The following STX17 variants were observed in gnomAD, a reference collection of about 807,000 sequenced individuals.
STX17 encodes syntaxin 17, also known as syntaxin-17.
A neutral mutation model predicts 35.9 loss-of-function variants in STX17; 29 were observed. That is an observed-to-expected ratio of 0.81 (90% CI 0.60 to 1.10). STX17 has a LOEUF of 1.10. STX17 is among the 50% of genes least tolerant of loss of function. The pLI is 0.00. For missense variants in STX17, 312 were observed against 352.3 expected (o/e 0.89, Z 0.92); for synonymous variants, 92 against 118.3 (o/e 0.78, Z 1.44).
chr9:99,949,405 A>G (rs1829547809), intron 3 of STX17, among the ~76,000 whole-genome samples: 1 of 152,004 alleles, frequency 6.6e-6, no homozygotes, highest in Non-Finnish European at 1.5e-5. Context: ...CTACAGTAAA[A>G]TGGAAACTTT....
chr9:99,965,981 C>A (rs145154394), intron 6 of STX17, among the ~76,000 whole-genome samples: 1 of 152,250 alleles, frequency 6.6e-6, no homozygotes, highest in Non-Finnish European at 1.5e-5. Context: ...CACATAGTGG[C>A]GTTTGCTGAG....
chr9:99,912,230 A>G (rs1828681101), intron 1 of STX17, among the ~76,000 whole-genome samples: 1 of 76,284 alleles, frequency 1.3e-5, no homozygotes, highest in Admixed American at 1.1e-4. Flanking sequence ...CTATCTAAAA[A>G]GAAAAAAAAA....
chr9:99,926,588 C>T (rs1242915177), intron 2 of STX17, among the ~76,000 whole-genome samples: 1 of 152,120 alleles, frequency 6.6e-6, no homozygotes, highest in African/African-American at 2.4e-5. Flanking sequence ...AGCTCTGCCT[C>T]CTAGGTTCCT....
chr9:99,967,498 C>T, intron 6 of STX17, 155 bp from the exon 7 acceptor site: 11 of 363,452 alleles, frequency 3.0e-5, no homozygotes, highest in South Asian at 9.0e-5. Flanking sequence ...TTAATTTGTC[C>T]TTTCGACATG....
At chr9:99,961,910 T>TAGAAGACCCTCCA (rs577534250) in intron 6 of STX17, among the ~76,000 whole-genome samples, 41 of 152,274 alleles carry the variant, frequency 2.7e-4, no homozygotes, top group African/African-American at 9.1e-4. Context: ...GTCTAACTCT[T>TAGAAGACCCTCCA]AGAAGGGTTA....
At chr9:99,959,857 GCTGT>G in intron 4 of STX17, 56 bp from the exon 5 acceptor site, 1 of 1,232,856 alleles carries the variant, frequency 8.1e-7, no homozygotes. Flanking sequence ...ATCAATTTAT[GCTGT>G]CTCTTTTCTA....
intron 1 of STX17, chr9:99,906,938 G>GC (rs1467148592): frequency 2.0e-5 from 3 of 152,284 alleles, no homozygotes; most frequent in Non-Finnish European, 4.4e-5. Flanking sequence ...GACGATGCGA[G>GC]CAGGACGGCC....
intron 3 of STX17, among the ~76,000 whole-genome samples, chr9:99,946,368 T>C (rs879488084): frequency 7.2e-5 from 11 of 152,162 alleles, no homozygotes; most frequent in African/African-American, 9.7e-5. Flanking sequence ...TAAATGTATA[T>C]ACTTTTACTA....
At chr9:99,927,876 A>G (rs1829021731) in intron 2 of STX17, among the ~76,000 whole-genome samples, 1 of 152,238 alleles carries the variant, frequency 6.6e-6, no homozygotes, top group Admixed American at 6.5e-5. Flanking sequence ...ATTCTTTACC[A>G]AATTTTAAGA....
At chr9:99,966,702 T>C (rs565211820) in intron 6 of STX17, among the ~76,000 whole-genome samples, 22 of 152,356 alleles carry the variant, frequency 1.4e-4, no homozygotes, top group Admixed American at 5.2e-4. Context: ...TGATAGTTGG[T>C]TTATACATTT....
chr9:99,937,212 T>C (rs34891619), intron 3 of STX17, among the ~76,000 whole-genome samples: 1,551 of 152,274 alleles, frequency 0.01, 15 homozygotes, highest in African/African-American at 0.012. Context: ...TTTGGGCACT[T>C]TGATTATGAT....
At position 99,972,988 on chromosome 9, in the gene STX17, T is replaced by A. The variant is rs987713082; in HGVS notation, c.*4315T>A. On this transcript the variant is annotated 3_prime_UTR_variant, in exon 8 of 8. Transcript: ENST00000259400. ...AGGCAGGGGAGTTTCTCTTCTAGCC[T>A]AAATTAATATTAAAAGTTCAGGGGT... Among the ~76,000 whole-genome samples the A allele has an allele frequency of 9.8e-5, 15 of 152,292 alleles. No homozygotes were observed. Among genetic ancestry groups the A allele is most frequent in the African/African-American group, 3.4e-4 (14 of 41,576 alleles).
intron 3 of STX17, among the ~76,000 whole-genome samples, chr9:99,945,545 C>T (rs971907360): frequency 2.0e-5 from 3 of 149,488 alleles, no homozygotes; most frequent in African/African-American, 7.4e-5. Context: ...AAATCTTTAT[C>T]CTGTAACTGG....
intron 3 of STX17, among the ~76,000 whole-genome samples, chr9:99,935,214 C>T (rs1382858956): frequency 6.6e-6 from 1 of 151,222 alleles, no homozygotes; most frequent in Non-Finnish European, 1.5e-5. Context: ...CCTGTAGTCC[C>T]AGCTACTCGG....
rs1829991995 is a variant in STX17, at chr9:99,969,981, G to A, written c.*1308G>A. 6.6e-6 allele frequency: 1 copy of A among 152,630 alleles called. No individual in the cohort carries two copies. The highest frequency in any genetic ancestry group is 6.5e-5 in the Admixed American group (1 of 15,272). 9.5% of individuals were successfully genotyped at this position (152,630 alleles called of 1,614,324 possible). A position where few individuals can be genotyped will look rare whatever the true frequency, so the allele number is the denominator to read the frequency against. On this transcript the variant is annotated 3_prime_UTR_variant, in exon 8 of 8. Coordinates refer to ENST00000259400, the MANE Select transcript of STX17 (RefSeq NM_017919.3). ...GCATGTCTATCTCAAACCGCAGAAA[G>A]GCTTTAATACTGGAAAAAAAGAATT...
chr9:99,926,129 T>A (rs1465067539), intron 2 of STX17, among the ~76,000 whole-genome samples: 2 of 152,042 alleles, frequency 1.3e-5, no homozygotes, highest in East Asian at 1.9e-4. Flanking sequence ...GTGCATTTTT[T>A]AATTTCAGGT....
At chr9:99,958,612 C>T (rs1464933783) in intron 4 of STX17, among the ~76,000 whole-genome samples, 1 of 152,188 alleles carries the variant, frequency 6.6e-6, no homozygotes. Context: ...AATTCTAACC[C>T]AAGTCTTTCT....
chr9:99,933,796 G>A (rs1424000983), intron 3 of STX17, among the ~76,000 whole-genome samples: 8 of 152,080 alleles, frequency 5.3e-5, no homozygotes, highest in Non-Finnish European at 1.0e-4. Flanking sequence ...CATTGTAATT[G>A]CATTATTTTC....
intron 3 of STX17, among the ~76,000 whole-genome samples, chr9:99,935,124 A>G (rs775305153): frequency 1.5e-4 from 23 of 151,952 alleles, no homozygotes; most frequent in Non-Finnish European, 2.2e-4. Flanking sequence ...AGGTCAGGAG[A>G]TCGAGACCAT....
Sources: gnomAD v4.1 joint callset for allele counts (sites outside exome capture counted in the v4.1 genomes callset) on GRCh38, gnomAD v4.1.1 for gene constraint, MANE v1.5 for transcripts, NCBI Gene and HGNC (gene_info 2026-07-23, HGNC 2026-07-21) for gene names.